The following TMEM232 variants were observed in gnomAD, a reference collection of about 807,000 sequenced individuals.
TMEM232 encodes the protein transmembrane protein 232.
In TMEM232, 80 loss-of-function variants were observed where a neutral mutation model predicts 78.8. The ratio of observed to expected loss-of-function variants is 1.01; its 90% CI spans 0.85 to 1.22. TMEM232 has a LOEUF of 1.22. TMEM232 is among the 50% of genes most tolerant of loss of function. The probability of loss-of-function intolerance (pLI) is 0.00; values close to 1 mark genes in which losing one functional copy is unlikely to be tolerated. For synonymous variants in TMEM232, 297 were observed against 254.3 expected (o/e 1.17, Z -1.60); for missense variants, 881 against 742.2 (o/e 1.19, Z -2.17).
rs143425076 is a variant in TMEM232 at position 110,498,635 on chromosome 5, T to G, written c.1703+29953A>C. On this transcript the variant is annotated intron_variant, in intron 12 of 13. Coordinates refer to ENST00000455884, the MANE Select transcript of TMEM232 (RefSeq NM_001039763.4). The stretch of plus-strand genomic sequence containing the variant: ...TGCAACTGGGTGATAACATAAACAT[T>G]TATGTGACTTCACTTAAGGGAACAC... 9.9e-3 allele frequency among the ~76,000 whole-genome samples: 1,502 copies of G among 152,164 alleles called. 35 individuals carry two copies. The highest frequency in any genetic ancestry group is 0.034 in the African/African-American group (1,405 of 41,516).
At chr5:110,682,213 C>T (rs929949686) in intron 1 of TMEM232, among the ~76,000 whole-genome samples, 2 of 151,980 alleles carry the variant, frequency 1.3e-5, no homozygotes, top group Non-Finnish European at 2.9e-5. Context: ...TAAAATTATC[C>T]TTAAGATTAA....
chr5:110,630,566 ACT>A (rs1297021597), intron 5 of TMEM232, among the ~76,000 whole-genome samples: 3 of 150,060 alleles, frequency 2.0e-5, no homozygotes, highest in African/African-American at 7.4e-5. Flanking sequence ...TTCCCCTTTC[ACT>A]CTCTCTCTCC....
At chr5:110,557,066 T>C (rs893201781) in intron 11 of TMEM232, among the ~76,000 whole-genome samples, 12 of 152,202 alleles carry the variant, frequency 7.9e-5, no homozygotes, top group African/African-American at 2.9e-4. Context: ...GTTTTGTTCA[T>C]TCTTTGTATT....
At chr5:110,581,193 T>C (rs759553661) in intron 10 of TMEM232, among the ~76,000 whole-genome samples, 6 of 151,244 alleles carry the variant, frequency 4.0e-5, no homozygotes, top group Non-Finnish European at 7.4e-5. Flanking sequence ...AATTGAAAAA[T>C]AGCCCAAATT....
chr5:110,707,948 G>C (rs1452257228), intron 1 of TMEM232, among the ~76,000 whole-genome samples: 6 of 152,154 alleles, frequency 3.9e-5, no homozygotes, highest in Non-Finnish European at 8.8e-5. Context: ...GAAGAACTCA[G>C]TCCTGGGAAG....
intron 7 of TMEM232, among the ~76,000 whole-genome samples, chr5:110,624,591 T>C (rs978540545): frequency 1.3e-5 from 2 of 152,144 alleles, no homozygotes; most frequent in Admixed American, 1.3e-4. Flanking sequence ...TGAGGTAATT[T>C]GTGCTCATTA....
chr5:110,430,420 C>T (rs1757705616), intron 12 of TMEM232, among the ~76,000 whole-genome samples: 1 of 151,276 alleles, frequency 6.6e-6, no homozygotes, highest in Non-Finnish European at 1.5e-5. Flanking sequence ...AATACTATCC[C>T]TGAAGCAATA....
intron 12 of TMEM232, among the ~76,000 whole-genome samples, chr5:110,507,646 C>T (rs569030527): frequency 6.6e-6 from 1 of 152,318 alleles, no homozygotes; most frequent in East Asian, 1.9e-4. Flanking sequence ...CTCTCCCAGC[C>T]AGAAATAGTT....
intron 2 of TMEM232, among the ~76,000 whole-genome samples, chr5:110,401,490 A>C (rs1397805762): frequency 6.6e-6 from 1 of 152,020 alleles, no homozygotes; most frequent in Admixed American, 6.6e-5. Flanking sequence ...TCCTTCTCTA[A>C]CTTATCTTCC....
chr5:110,528,611 C>A lies in TMEM232; in HGVS notation c.1680G>T (p.Lys560Asn). 1 of 1,530,472 alleles carries A rather than the reference C, an allele frequency of 6.5e-7. No homozygotes were observed. The highest frequency in any genetic ancestry group is 1.2e-5 in the South Asian group (1 of 82,908). The allele number at this position is 1,530,472 out of a possible 1,614,324, so 94.8% of individuals were successfully genotyped here. A position where few individuals can be genotyped will look rare whatever the true frequency, so the allele number is the denominator to read the frequency against. Residue 560 changes from lysine to asparagine, a missense_variant, in exon 12 of 14, where the codon AAG becomes AAT. Lys to Asn is a moderately conservative substitution (Grantham distance 94). Transcript: ENST00000455884. The stretch of plus-strand genomic sequence containing the variant: ...ACCTTACAGTGAAATGTAGAACTTG[C>A]TTTTTCACAGACTCCAGCTTTTTAT... ...YPNKKLESVK[K>N]QVLHFTVREH...
chr5:110,395,695 C>T (rs1441305339), intron 3 of TMEM232, among the ~76,000 whole-genome samples: 2 of 152,050 alleles, frequency 1.3e-5, no homozygotes, highest in African/African-American at 4.8e-5. Context: ...ACTGAAAATC[C>T]CAGAATATAT....
intron 11 of TMEM232, among the ~76,000 whole-genome samples, chr5:110,536,221 G>T (rs545976868): frequency 1.6e-4 from 25 of 152,344 alleles, no homozygotes; most frequent in African/African-American, 5.8e-4. Context: ...GAAATGGAAA[G>T]GTTTCCATGT....
Position 110,554,842 on chromosome 5 carries a change from T to TA in TMEM232, c.1455+13604dup, listed in dbSNP as rs547468286. 7.0e-4 allele frequency among the ~76,000 whole-genome samples: 106 copies of TA among 152,272 alleles called. 1 individual carries two copies. The highest frequency in any genetic ancestry group is 6.8e-3 in the Middle Eastern group (2 of 294). ...TTACTGATTCAATTTCATAACTTAT[T>TA]ATTGGTCTCTGTAGGGTTTTGATTT... On this transcript the variant is annotated intron_variant, in intron 11 of 13. Coordinates refer to ENST00000455884, the MANE Select transcript of TMEM232 (RefSeq NM_001039763.4).
intron 1 of TMEM232, among the ~76,000 whole-genome samples, chr5:110,690,856 C>T (rs1794033573): frequency 6.6e-6 from 1 of 152,038 alleles, no homozygotes; most frequent in Non-Finnish European, 1.5e-5. Context: ...CCATCATTCT[C>T]AGCAAACTAA....
intron 1 of TMEM232, among the ~76,000 whole-genome samples, chr5:110,712,550 T>C (rs1448107994): frequency 2.0e-5 from 3 of 152,176 alleles, no homozygotes; most frequent in East Asian, 3.8e-4. Context: ...TTACCCTATA[T>C]ACAGTGGTAA....
At chr5:110,700,021 A>T (rs1795247051) in intron 1 of TMEM232, among the ~76,000 whole-genome samples, 1 of 152,120 alleles carries the variant, frequency 6.6e-6, no homozygotes, top group Non-Finnish European at 1.5e-5. Context: ...CATCTGAAAG[A>T]AAAAGCTGAA....
At chr5:110,721,169 C>A (rs368555830) in intron 1 of TMEM232, among the ~76,000 whole-genome samples, 1 of 152,010 alleles carries the variant, frequency 6.6e-6, no homozygotes, top group East Asian at 1.9e-4. Context: ...TAATGAATAA[C>A]CTCCTGAATG....
At chr5:110,568,092 T>C (rs559362951) in intron 11 of TMEM232, among the ~76,000 whole-genome samples, 2 of 152,040 alleles carry the variant, frequency 1.3e-5, no homozygotes, top group South Asian at 2.1e-4. Context: ...AAAAGAATCA[T>C]GGCTTAACAT....
rs539775171 is a variant in TMEM232, at chr5:110,594,952, C to T, written c.1276+10157G>A. On this transcript the variant is annotated intron_variant, in intron 10 of 13. Coordinates refer to ENST00000455884, the MANE Select transcript of TMEM232 (RefSeq NM_001039763.4). ...GGGCAGACTGCCCCCTCAAATGGGT[C>T]GGTGACCCCTGTGCCTCCTGACTGG... 5.3e-5 allele frequency among the ~76,000 whole-genome samples: 8 copies of T among 152,302 alleles called. No individual in the cohort carries two copies. The South Asian group carries it at 1.5e-3, about 28-fold the overall frequency.
Sources: allele counts gnomAD v4.1 joint callset (sites outside exome capture counted in the v4.1 genomes callset), GRCh38; gene constraint gnomAD v4.1.1; transcripts MANE v1.5; gene names NCBI Gene and HGNC (gene_info 2026-07-23, HGNC 2026-07-21).